Variants in USP3 observed in about 807,000 individuals in gnomAD.
The protein encoded by USP3 is ubiquitin specific peptidase 3.
Under a neutral mutation model 72.3 loss-of-function variants are expected in USP3, and 20 were observed. That is an observed-to-expected ratio of 0.28 (90% confidence interval 0.19 to 0.40). The LOEUF (loss-of-function observed/expected upper bound fraction) is 0.40. Among genes scored for constraint, USP3 ranks in the 10% least tolerant of loss-of-function variants. The probability of loss-of-function intolerance (pLI) is 1.00; values close to 1 mark genes in which losing one functional copy is unlikely to be tolerated. For missense variants in USP3, 479 were observed against 633.9 expected (o/e 0.76, Z 2.62); for synonymous variants, 222 against 225.3 (o/e 0.99, Z 0.13).
intron 11 of USP3, among the ~76,000 whole-genome samples, chr15:63,584,487 C>G (rs1394746094): frequency 1.3e-5 from 2 of 152,186 alleles, no homozygotes; most frequent in East Asian, 3.9e-4. Flanking sequence ...ATCCTAGTAA[C>G]TGTGAAGTAG....
At chr15:63,563,771 A>T (rs2066644833) in intron 8 of USP3, among the ~76,000 whole-genome samples, 1 of 152,042 alleles carries the variant, frequency 6.6e-6, no homozygotes, top group Non-Finnish European at 1.5e-5. Flanking sequence ...ACTTTTCTTT[A>T]AAAAAAATTC....
chr15:63,566,162 A>G (rs747204215), intron 8 of USP3, among the ~76,000 whole-genome samples: 3 of 152,130 alleles, frequency 2.0e-5, no homozygotes, highest in Non-Finnish European at 4.4e-5. Context: ...ATTTTTTTAA[A>G]TCAGTTCTTG....
At chr15:63,512,448 T>C (rs192738602) in intron 1 of USP3, among the ~76,000 whole-genome samples, 168 of 151,858 alleles carry the variant, frequency 1.1e-3, no homozygotes, top group Non-Finnish European at 1.6e-3. Flanking sequence ...TCCTTCTTTT[T>C]CTTTCTTCTT....
chr15:63,589,186 TAAGGG>T (rs1307101154), intron 14 of USP3, 175 bp downstream of exon 14: 3 of 633,094 alleles, frequency 4.7e-6, no homozygotes, highest in African/African-American at 1.8e-5. Flanking sequence ...TGTGAAGGCT[TAAGGG>T]AAGGTAAATA....
chr15:63,578,126 A>G (rs1293387687), intron 11 of USP3, among the ~76,000 whole-genome samples: 1 of 151,894 alleles, frequency 6.6e-6, no homozygotes, highest in Non-Finnish European at 1.5e-5. Context: ...AAATACAAAA[A>G]TTAGCCAGGT....
At chr15:63,526,824 G>C (rs1201997987) in intron 1 of USP3, among the ~76,000 whole-genome samples, 1 of 152,232 alleles carries the variant, frequency 6.6e-6, no homozygotes. Context: ...AGAAAGTAGA[G>C]TTGGAAGGAT....
At chr15:63,547,800 GGCAT>G (rs1362666504) in intron 3 of USP3, among the ~76,000 whole-genome samples, 194 of 49,570 alleles carry the variant, frequency 3.9e-3, no homozygotes, top group East Asian at 0.023. Context: ...GAGAGAGAGA[GGCAT>G]AGAGAGAGGC....
At chr15:63,563,069 T>G in intron 8 of USP3, 61 bp downstream of exon 8, 1 of 1,169,172 alleles carries the variant, frequency 8.6e-7, no homozygotes, top group Non-Finnish European at 1.2e-6. Flanking sequence ...GTTCCTGAAA[T>G]AATTCCTAAT....
chr15:63,539,860 A>G (rs2066217757), intron 3 of USP3, among the ~76,000 whole-genome samples: 1 of 152,204 alleles, frequency 6.6e-6, no homozygotes, highest in Non-Finnish European at 1.5e-5. Context: ...CCTAAAAGAA[A>G]TCTGTGATAG....
At chr15:63,531,682 A>C (rs1228031778) in intron 1 of USP3, among the ~76,000 whole-genome samples, 1 of 152,140 alleles carries the variant, frequency 6.6e-6, no homozygotes, top group Non-Finnish European at 1.5e-5. Flanking sequence ...GGTATCCTAA[A>C]CTAAGAAATT....
In USP3 at chr15:63,506,915, C is replaced by T. The variant is rs532166781; in HGVS notation, c.91+2085C>T. Reference sequence around the variant, plus strand: ...TTGAACCCATTTTATGTAGGCCTCCCGTCTTAACCCGTTGGCATCCATTTG... The same window carrying T: ...TTGAACCCATTTTATGTAGGCCTCCTGTCTTAACCCGTTGGCATCCATTTG... On this transcript the variant is annotated intron_variant, in intron 1 of 14. Transcript: ENST00000380324. Among the ~76,000 whole-genome samples, 4 of 152,264 alleles carry T rather than the reference C, an allele frequency of 2.6e-5. 1 individual carries two copies. In the South Asian group the frequency reaches 8.3e-4, roughly 32 times the overall value.
intron 1 of USP3, among the ~76,000 whole-genome samples, chr15:63,530,968 T>C (rs1433753621): frequency 1.3e-5 from 2 of 152,196 alleles, no homozygotes; most frequent in African/African-American, 4.8e-5. Context: ...TGTAACAAAA[T>C]TAGACCCAGT....
intron 3 of USP3, among the ~76,000 whole-genome samples, chr15:63,538,201 T>C (rs186211251): frequency 6.6e-6 from 1 of 152,328 alleles, no homozygotes; most frequent in Non-Finnish European, 1.5e-5. Context: ...GTTTTAACTT[T>C]GGTGTGAAGC....
chr15:63,580,660 A>ATATATAT (rs60776150), intron 11 of USP3, among the ~76,000 whole-genome samples: 18,216 of 112,200 alleles, frequency 0.16, 2,275 homozygotes, highest in Admixed American at 0.21. Flanking sequence ...ATGAATATAT[A>ATATATAT]ATATATATAT....
At chr15:63,514,441 G>A (rs983851992) in intron 1 of USP3, among the ~76,000 whole-genome samples, 5 of 151,970 alleles carry the variant, frequency 3.3e-5, no homozygotes, top group Non-Finnish European at 5.9e-5. Context: ...TCTATCCCTC[G>A]GGCAGAGTAT....
Position 63,588,837 on chromosome 15 carries a change from C to T in USP3, c.1329+22C>T, listed in dbSNP as rs1402193471. ...AGAGGTAAGGTGGTTACCTTTTTAG[C>T]ATGGTGAAAAAATGGCTCTTCAGTA... On this transcript the variant is annotated intron_variant, in intron 13 of 14. Transcript: ENST00000380324. This position sits in a 1 kb window ranked among gnomAD's most constrained non-coding sequence, Gnocchi z 4.6. The T allele has an allele frequency of 2.5e-6, 4 of 1,610,182 alleles. No homozygotes were observed. The highest frequency in any genetic ancestry group is 3.4e-6 in the Non-Finnish European group (4 of 1,176,984).
intron 8 of USP3, among the ~76,000 whole-genome samples, chr15:63,566,241 C>T (rs1350514707): frequency 6.6e-6 from 1 of 150,932 alleles, no homozygotes; most frequent in Non-Finnish European, 1.5e-5. Flanking sequence ...GCTTGCTCTT[C>T]TCAGGTTTAT....
In USP3 at chr15:63,528,973, T is replaced by C. The variant is rs763988688; in HGVS notation, c.92-3674T>C. The C allele has an allele frequency of 1.2e-5, 16 of 1,280,736 alleles. No individual in the cohort carries two copies. In the African/African-American group the frequency reaches 1.7e-4, roughly 13 times the overall value. 79.3% of individuals were successfully genotyped at this position (1,280,736 alleles called of 1,614,324 possible). On this transcript the variant is annotated intron_variant, in intron 1 of 14. Transcript: ENST00000380324. The surrounding 1 kb of genome is among the most constrained non-coding windows in gnomAD (Gnocchi z 4.3). ...CCCAAAGCAATGCCATTTATTGGCT[T>C]CAGAATCCCTCATAATACCCTATCC... is the stretch of plus-strand genomic sequence containing the variant.
At chr15:63,512,044 C>T (rs143108760) in intron 1 of USP3, among the ~76,000 whole-genome samples, 684 of 150,964 alleles carry the variant, frequency 4.5e-3, no homozygotes, top group Non-Finnish European at 7.9e-3. Context: ...GCAACCTCCG[C>T]CTCTCGGGCT....
Sources: gnomAD v4.1 joint callset for allele counts (sites outside exome capture counted in the v4.1 genomes callset) on GRCh38, gnomAD v4.1.1 for gene constraint, Gnocchi (gnomAD v3.1) non-coding constraint, MANE v1.5 for transcripts, NCBI Gene and HGNC (gene_info 2026-07-23, HGNC 2026-07-21) for gene names.